Variants in MYRIP observed in about 807,000 individuals in gnomAD.
MYRIP encodes the protein myosin VIIA and Rab interacting protein.
Under a neutral mutation model 98.0 loss-of-function variants are expected in MYRIP, and 49 were observed. The ratio of observed to expected loss-of-function variants is 0.50; its 90% CI spans 0.40 to 0.63. MYRIP has a LOEUF of 0.63. Ranked by LOEUF, MYRIP falls within the 30% of genes least tolerant of loss-of-function variation. The pLI, the probability that MYRIP is intolerant of heterozygous loss-of-function variation, is 0.00. For synonymous variants in MYRIP, 404 were observed against 409.5 expected, an observed-to-expected ratio of 0.99 and a Z score of 0.16; for missense variants, 1,004 against 1,058.2, an observed-to-expected ratio of 0.95 and a Z score of 0.71.
At chr3:39,985,699 C>A (rs1946015218) in intron 2 of MYRIP, among the ~76,000 whole-genome samples, 1 of 150,376 alleles carries the variant, frequency 6.6e-6, no homozygotes, top group Non-Finnish European at 1.5e-5. Flanking sequence ...GAAAAACAAG[C>A]AATGGGGAAA....
intron 2 of MYRIP, among the ~76,000 whole-genome samples, chr3:39,912,349 A>G (rs1944042456): frequency 6.6e-6 from 1 of 152,210 alleles, no homozygotes; most frequent in Non-Finnish European, 1.5e-5. Flanking sequence ...GAATAATACG[A>G]AAACAGAAGA....
intron 10 of MYRIP, among the ~76,000 whole-genome samples, chr3:40,195,938 C>T (rs1490409421): frequency 1.3e-5 from 2 of 152,044 alleles, no homozygotes; most frequent in African/African-American, 2.4e-5. Flanking sequence ...TGTAACTCTT[C>T]TTAAATCCAC....
chr3:39,924,238 TTCACCTC>T (rs1401032713), intron 2 of MYRIP, among the ~76,000 whole-genome samples: 5 of 152,044 alleles, frequency 3.3e-5, no homozygotes, highest in African/African-American at 1.2e-4. Flanking sequence ...TTACAAGAAA[TTCACCTC>T]AAATATAACG....
chr3:40,009,192 T>G (rs1946699390), intron 2 of MYRIP, among the ~76,000 whole-genome samples: 1 of 151,524 alleles, frequency 6.6e-6, no homozygotes, highest in Non-Finnish European at 1.5e-5. Context: ...TGGCGCCCTC[T>G]CCTAGGCACG....
At chr3:40,186,302 TG>T (rs1271392538) in intron 9 of MYRIP, among the ~76,000 whole-genome samples, 1 of 152,066 alleles carries the variant, frequency 6.6e-6, no homozygotes, top group Non-Finnish European at 1.5e-5. Context: ...GTGGGCGTCT[TG>T]GTTTGACTCC....
At chr3:40,036,324 A>AAAAAAAAAAAC (rs1553607293) in intron 2 of MYRIP, among the ~76,000 whole-genome samples, 6 of 125,654 alleles carry the variant, frequency 4.8e-5, no homozygotes, top group African/African-American at 1.2e-4. Context: ...AAAAAAAAAA[A>AAAAAAAAAAAC]CTTTATTCAA....
chr3:40,153,965 C>A (rs1950168415), intron 4 of MYRIP, among the ~76,000 whole-genome samples: 1 of 152,038 alleles, frequency 6.6e-6, no homozygotes, highest in Admixed American at 6.6e-5. Context: ...CATGGTGAAA[C>A]CCCATCTCTA....
At chr3:40,082,848 G>A (rs546573774) in intron 3 of MYRIP, among the ~76,000 whole-genome samples, 23 of 152,160 alleles carry the variant, frequency 1.5e-4, no homozygotes, top group African/African-American at 4.6e-4. Flanking sequence ...GATAAATTTC[G>A]GGAAATGGTC....
chr3:39,904,044 G>T (rs1375328224), intron 2 of MYRIP, among the ~76,000 whole-genome samples: 1 of 152,162 alleles, frequency 6.6e-6, no homozygotes, highest in Non-Finnish European at 1.5e-5. Context: ...CAGAAGGCAA[G>T]CATGGTATTT....
At chr3:39,995,531 C>A (rs1946324491) in intron 2 of MYRIP, among the ~76,000 whole-genome samples, 1 of 152,134 alleles carries the variant, frequency 6.6e-6, no homozygotes, top group Admixed American at 6.5e-5. Context: ...AAATATGGGA[C>A]TATGTGAAAA....
rs533073440 is a variant in MYRIP, at chr3:40,188,562, G to C, written c.1028-1264G>C. Among the ~76,000 whole-genome samples, 142 of 152,098 alleles carry C rather than the reference G, an allele frequency of 9.3e-4. 1 individual carries two copies. In the Middle Eastern group the frequency reaches 0.01, roughly 11 times the overall value. On this transcript the variant is annotated intron_variant, in intron 9 of 16. Coordinates refer to ENST00000302541, the MANE Select transcript of MYRIP (RefSeq NM_015460.4). ...GGAGGCTGAGGCGGGTGGATCACCT[G>C]AGGTCAGGAGTTCGAGAGCAGCCTG...
intron 11 of MYRIP, among the ~76,000 whole-genome samples, chr3:40,212,866 C>T (rs1357703672): frequency 6.6e-6 from 1 of 151,966 alleles, no homozygotes; most frequent in Non-Finnish European, 1.5e-5. Context: ...TGCAGTGACC[C>T]ATGATTGCAC....
At chr3:40,122,603 A>G (rs1431604332) in intron 3 of MYRIP, among the ~76,000 whole-genome samples, 2 of 151,922 alleles carry the variant, frequency 1.3e-5, no homozygotes, top group African/African-American at 4.8e-5. Flanking sequence ...TATTAAATTC[A>G]CATTTAAATA....
At chr3:40,101,217 AAT>A (rs1404628374) in intron 3 of MYRIP, among the ~76,000 whole-genome samples, 2 of 152,204 alleles carry the variant, frequency 1.3e-5, no homozygotes, top group Non-Finnish European at 2.9e-5. Context: ...GTATATCTGC[AAT>A]ATAGTCTTTG....
chr3:40,088,591 A>C (rs917889128), intron 3 of MYRIP, among the ~76,000 whole-genome samples: 16 of 152,288 alleles, frequency 1.1e-4, no homozygotes, highest in Admixed American at 9.2e-4. Flanking sequence ...TGGGAGACAG[A>C]AAACCATCAG....
intron 2 of MYRIP, among the ~76,000 whole-genome samples, chr3:39,994,215 G>C (rs1946272749): frequency 6.6e-6 from 1 of 152,228 alleles, no homozygotes; most frequent in African/African-American, 2.4e-5. Flanking sequence ...GCAGCACACG[G>C]AGCATGAGCC....
chr3:40,141,232 A>G (rs1240120198), intron 3 of MYRIP, among the ~76,000 whole-genome samples: 1 of 152,172 alleles, frequency 6.6e-6, no homozygotes, highest in East Asian at 1.9e-4. Flanking sequence ...AAAGAATGAG[A>G]TCCAGTCATT....
intron 2 of MYRIP, among the ~76,000 whole-genome samples, chr3:39,981,886 A>G (rs1945904754): frequency 6.6e-6 from 1 of 152,168 alleles, no homozygotes; most frequent in African/African-American, 2.4e-5. Context: ...AACTCAGGAA[A>G]TATCAATAGG....
chr3:39,953,903 C>T (rs759608355), intron 2 of MYRIP, among the ~76,000 whole-genome samples: 7 of 152,120 alleles, frequency 4.6e-5, no homozygotes, highest in Admixed American at 1.3e-4. Flanking sequence ...CATGGAGTCT[C>T]GCTTACTGCT....
Sources: gnomAD v4.1 joint callset for allele counts (sites outside exome capture counted in the v4.1 genomes callset) on GRCh38, gnomAD v4.1.1 for gene constraint, MANE v1.5 for transcripts, NCBI Gene and HGNC (gene_info 2026-07-23, HGNC 2026-07-21) for gene names.